The following ZBTB20 variants were observed in gnomAD, a reference collection of about 807,000 sequenced individuals.
ZBTB20 encodes the protein zinc finger and BTB domain-containing protein 20.
ZBTB20 carries 9 observed loss-of-function variants against 56.9 expected under a neutral mutation model. That is an observed-to-expected ratio of 0.16 (90% confidence interval 0.10 to 0.28). ZBTB20 has a LOEUF of 0.28. ZBTB20 is among the 10% of genes least tolerant of loss of function. The pLI is 1.00. For missense variants in ZBTB20, 655 were observed against 1,003.0 expected, an observed-to-expected ratio of 0.65 and a Z score of 4.69; for synonymous variants, 417 against 420.7, an observed-to-expected ratio of 0.99 and a Z score of 0.11.
intron 7 of ZBTB20, among the ~76,000 whole-genome samples, chr3:114,450,110 G>A (rs1011945138): frequency 3.9e-5 from 6 of 152,198 alleles, no homozygotes; most frequent in Middle Eastern, 3.4e-3. Flanking sequence ...CTCAGCTCTC[G>A]CCTTTTTCCC....
chr3:114,435,835 T>A lies in ZBTB20; in HGVS notation c.-254-46730A>T, dbSNP rs186462273. 1.1e-4 allele frequency among the ~76,000 whole-genome samples: 17 copies of A among 152,290 alleles called. No homozygotes were observed. The East Asian group carries it at 3.1e-3, about 28-fold the overall frequency. ...AAAATCTCCTATTCCTACATAACAATGTGCCTGGGGAACTCTCTCACTGCC... is the reference window on the plus strand; with the variant it reads ...AAAATCTCCTATTCCTACATAACAAAGTGCCTGGGGAACTCTCTCACTGCC... On this transcript the variant is annotated intron_variant, in intron 7 of 11. Transcript: ENST00000675478.
chr3:114,601,833 G>C (rs991052509), intron 6 of ZBTB20, among the ~76,000 whole-genome samples: 3 of 152,014 alleles, frequency 2.0e-5, no homozygotes, highest in Non-Finnish European at 4.4e-5. Flanking sequence ...TTGTGAAAGA[G>C]AGTAGTAAAA....
chr3:114,369,228 C>T (rs1560149470), intron 10 of ZBTB20, among the ~76,000 whole-genome samples: 1 of 152,190 alleles, frequency 6.6e-6, no homozygotes, highest in Non-Finnish European at 1.5e-5. Context: ...TAGTATTCTA[C>T]ATGCCACACC....
At chr3:115,019,917 G>A (rs141640421) in intron 2 of ZBTB20, among the ~76,000 whole-genome samples, 1 of 151,386 alleles carries the variant, frequency 6.6e-6, no homozygotes, top group Non-Finnish European at 1.5e-5. Context: ...AATAATTAGA[G>A]AAGAAATAAA....
intron 1 of ZBTB20, among the ~76,000 whole-genome samples, chr3:115,145,962 G>A (rs1028187358): frequency 1.3e-5 from 2 of 152,114 alleles, no homozygotes; most frequent in African/African-American, 4.8e-5. Context: ...TGTATACACC[G>A]CCACGCAGTG....
chr3:115,034,836 A>G (rs926243128), intron 2 of ZBTB20, among the ~76,000 whole-genome samples: 2 of 152,036 alleles, frequency 1.3e-5, no homozygotes, highest in Non-Finnish European at 2.9e-5. Flanking sequence ...CTACAAAGCT[A>G]CAGTAATCAA....
chr3:115,123,066 C>T (rs1041846148), intron 1 of ZBTB20, among the ~76,000 whole-genome samples: 1 of 152,128 alleles, frequency 6.6e-6, no homozygotes, highest in Non-Finnish European at 1.5e-5. Flanking sequence ...CAGGCTAGTT[C>T]TGTGTGCCAT....
At chr3:114,806,536 G>A (rs1424989938) in intron 4 of ZBTB20, among the ~76,000 whole-genome samples, 2 of 151,650 alleles carry the variant, frequency 1.3e-5, no homozygotes, top group African/African-American at 4.8e-5. Context: ...AAATATTTTC[G>A]CCTGTCTTTG....
Position 114,316,793 on chromosome 3 carries a change from C to T in ZBTB20, c.*22212G>A, listed in dbSNP as rs1285894051. On this transcript the variant is annotated 3_prime_UTR_variant, in exon 12 of 12. Coordinates refer to ENST00000675478, the MANE Select transcript of ZBTB20 (RefSeq NM_001348800.3). ...CAAGAGAAACCTGGGTTTGGTCATG[C>T]TGGGGGCTGACGTGGCAGTGCCAGG... 2 of 295,122 alleles carry T rather than the reference C, an allele frequency of 6.8e-6. No homozygotes were observed. Among genetic ancestry groups the T allele is most frequent in the Non-Finnish European group, 1.4e-5 (2 of 147,750 alleles). 18.3% of individuals were successfully genotyped at this position (295,122 alleles called of 1,614,324 possible). A position where few individuals can be genotyped will look rare whatever the true frequency, so the allele number is the denominator to read the frequency against.
intron 7 of ZBTB20, among the ~76,000 whole-genome samples, chr3:114,401,175 A>C (rs917196352): frequency 1.3e-5 from 2 of 148,524 alleles, no homozygotes; most frequent in Non-Finnish European, 3.0e-5. Flanking sequence ...AGAAGGAGAA[A>C]GGGGACAGCA....
chr3:115,120,175 A>T (rs1265921398), intron 1 of ZBTB20, among the ~76,000 whole-genome samples: 3 of 152,098 alleles, frequency 2.0e-5, no homozygotes, highest in Non-Finnish European at 4.4e-5. Flanking sequence ...ATAAACTATG[A>T]CTCTGGGTGA....
intron 7 of ZBTB20, among the ~76,000 whole-genome samples, chr3:114,448,194 T>C (rs1380746699): frequency 6.6e-6 from 1 of 152,082 alleles, no homozygotes; most frequent in African/African-American, 2.4e-5. Flanking sequence ...ACAGTATTGT[T>C]GTGGCATTGG....
intron 5 of ZBTB20, among the ~76,000 whole-genome samples, chr3:114,766,879 T>C (rs183741398): frequency 6.6e-6 from 1 of 152,192 alleles, no homozygotes; most frequent in East Asian, 1.9e-4. Flanking sequence ...TTTTTCTTTC[T>C]TTCCCAAACT....
At chr3:114,365,814 C>T (rs1386397350) in intron 10 of ZBTB20, among the ~76,000 whole-genome samples, 1 of 152,112 alleles carries the variant, frequency 6.6e-6, no homozygotes, top group Non-Finnish European at 1.5e-5. Context: ...TGCCATATTG[C>T]TATTAGAATT....
At chr3:115,050,966 A>AT (rs1324636735) in intron 2 of ZBTB20, among the ~76,000 whole-genome samples, 1 of 152,124 alleles carries the variant, frequency 6.6e-6, no homozygotes, top group Admixed American at 6.5e-5. Context: ...ATGATCTATC[A>AT]TTTTTTAGCA....
Position 114,620,124 on chromosome 3 carries a change from T to C in ZBTB20, c.-295+73404A>G, listed in dbSNP as rs192478220. On this transcript the variant is annotated intron_variant, in intron 6 of 11. Coordinates refer to ENST00000675478, the MANE Select transcript of ZBTB20 (RefSeq NM_001348800.3). ...GAATGGAACTACTGCAAACTGAAGATCCCATGTTCCATCAGAAATTACCCA... is the reference window on the plus strand; with the variant it reads ...GAATGGAACTACTGCAAACTGAAGACCCCATGTTCCATCAGAAATTACCCA... Among the ~76,000 whole-genome samples the C allele has an allele frequency of 4.6e-3, 707 of 152,282 alleles. 4 individuals are homozygous for C. Among genetic ancestry groups the C allele is most frequent in the African/African-American group, 0.016 (663 of 41,548 alleles).
In ZBTB20 at chr3:114,334,516, A is replaced by AACAT. The variant is rs1458252858; in HGVS notation, c.*4485_*4488dup. The AACAT allele has an allele frequency of 6.6e-6, 1 of 152,222 alleles. No homozygotes were observed. The highest frequency in any genetic ancestry group is 1.9e-4 in the East Asian group (1 of 5,198). The allele number at this position is 152,222 out of a possible 1,614,324, so 9.4% of individuals were successfully genotyped here. A position where few individuals can be genotyped will look rare whatever the true frequency, so the allele number is the denominator to read the frequency against. ...AGGCTTTAGGACTGAATGTGAAACAAACATACCTGGAGGAAAACTTTTTTC... is the reference window on the plus strand; with the variant it reads ...AGGCTTTAGGACTGAATGTGAAACAAACATACATACCTGGAGGAAAACTTTTTTC... On this transcript the variant is annotated 3_prime_UTR_variant, in exon 12 of 12. Coordinates refer to ENST00000675478, the MANE Select transcript of ZBTB20 (RefSeq NM_001348800.3).
At chr3:114,996,783 C>A (rs2079045476) in intron 2 of ZBTB20, among the ~76,000 whole-genome samples, 1 of 151,590 alleles carries the variant, frequency 6.6e-6, no homozygotes, top group South Asian at 2.1e-4. Context: ...GTTCTAGATA[C>A]AAGATAAAAA....
chr3:115,090,985 A>G (rs2083170064), intron 1 of ZBTB20, among the ~76,000 whole-genome samples: 1 of 151,940 alleles, frequency 6.6e-6, no homozygotes, highest in Admixed American at 6.6e-5. Flanking sequence ...GAGTCTCTGA[A>G]CTGCAAGTAG....
Sources: allele counts gnomAD v4.1 joint callset (sites outside exome capture counted in the v4.1 genomes callset), GRCh38; gene constraint gnomAD v4.1.1; transcripts MANE v1.5; gene names NCBI Gene and HGNC (gene_info 2026-07-23, HGNC 2026-07-21).